The following OR3A2 variants were observed in gnomAD, a reference collection of about 807,000 sequenced individuals.
OR3A2 encodes olfactory receptor family 3 subfamily A member 2, also known as olfactory receptor 3A2.
For synonymous variants in OR3A2, 126 were observed against 159.3 expected, an observed-to-expected ratio of 0.79 and a Z score of 1.57; for missense variants, 318 against 392.8, an observed-to-expected ratio of 0.81 and a Z score of 1.61.
intron 3 of OR3A2, among the ~76,000 whole-genome samples, chr17:3,318,720 C>CA (rs1482886652): frequency 6.6e-6 from 1 of 152,146 alleles, no homozygotes; most frequent in Non-Finnish European, 1.5e-5. Flanking sequence ...CTATTAAGAA[C>CA]CATAATTTGA....
chr17:3,371,007 T>C (rs936922523), intron 2 of OR3A2, among the ~76,000 whole-genome samples: 4 of 152,098 alleles, frequency 2.6e-5, no homozygotes, highest in South Asian at 2.1e-4. Flanking sequence ...AAGTCTCCCA[T>C]GTCTACCTCT....
intron 3 of OR3A2, chr17:3,291,836 A>G (rs368309953): frequency 6.8e-6 from 11 of 1,613,924 alleles, no homozygotes; most frequent in East Asian, 4.5e-5. Context: ...TGGCAACCAC[A>G]GTGAGGTGGG....
chr17:3,321,467 A>T (rs796301103), intron 3 of OR3A2, among the ~76,000 whole-genome samples: 1 of 151,506 alleles, frequency 6.6e-6, no homozygotes, highest in African/African-American at 2.4e-5. Context: ...CAGTTTTCAA[A>T]GGGAATGCTT....
rs369994583 is a variant in OR3A2 at position 3,332,621 on chromosome 17, A to G, written c.-85+3412T>C. Among the ~76,000 whole-genome samples, 14 of 152,262 alleles carry G rather than the reference A, an allele frequency of 9.2e-5. No homozygotes were observed. The East Asian group carries it at 2.1e-3, about 23-fold the overall frequency. On this transcript the variant is annotated intron_variant, in intron 3 of 4. Transcript: ENST00000573491. ...TGTCTGGCACTCCCTAGTGAGATGA[A>G]CCTGGTACCTCAGATGGAAATGCAG...
chr17:3,346,502 C>A (rs1479065441), intron 2 of OR3A2, among the ~76,000 whole-genome samples: 2 of 152,148 alleles, frequency 1.3e-5, no homozygotes, highest in African/African-American at 4.8e-5. Flanking sequence ...CCTTGCCATC[C>A]CCTCCAGCAT....
intron 3 of OR3A2, among the ~76,000 whole-genome samples, chr17:3,326,848 C>G (rs1480627180): frequency 9.3e-5 from 13 of 140,012 alleles, no homozygotes; most frequent in Non-Finnish European, 1.8e-4. Flanking sequence ...ATGATGATTT[C>G]CAACTTCATC....
chr17:3,369,211 A>G (rs2049589495), intron 2 of OR3A2, among the ~76,000 whole-genome samples: 1 of 152,154 alleles, frequency 6.6e-6, no homozygotes, highest in South Asian at 2.1e-4. Context: ...CTCTTTACCA[A>G]TTCAGATGCC....
intron 2 of OR3A2, among the ~76,000 whole-genome samples, chr17:3,372,871 G>T (rs9913874): frequency 2.6e-5 from 1 of 39,212 alleles, no homozygotes; most frequent in Non-Finnish European, 4.5e-5. Context: ...GAGAGGGAGA[G>T]GGAGAGGGAG....
chr17:3,361,875 CTCT>C (rs1379094360), intron 2 of OR3A2, among the ~76,000 whole-genome samples: 25 of 151,592 alleles, frequency 1.6e-4, no homozygotes, highest in African/African-American at 1.2e-4. Context: ...GTCTAAAATT[CTCT>C]TTTTTTGTTG....
intron 2 of OR3A2, among the ~76,000 whole-genome samples, chr17:3,356,727 C>T (rs1329592992): frequency 6.6e-6 from 1 of 151,368 alleles, no homozygotes; most frequent in Non-Finnish European, 1.5e-5. Context: ...CTGAAAAATT[C>T]TTTGTCCCAC....
At chr17:3,315,184 C>T (rs915978007) in intron 3 of OR3A2, among the ~76,000 whole-genome samples, 2 of 152,278 alleles carry the variant, frequency 1.3e-5, no homozygotes, top group Middle Eastern at 6.8e-3. Flanking sequence ...ATGATTTACT[C>T]TCCTTTGGAT....
At chr17:3,377,492 G>A (rs2049694329) in intron 2 of OR3A2, 1 of 152,182 alleles carries the variant, frequency 6.6e-6, no homozygotes, top group Non-Finnish European at 1.5e-5. Flanking sequence ...GACTGTAAGT[G>A]GAAGAGACCA....
At chr17:3,342,163 G>A in intron 2 of OR3A2, among the ~76,000 whole-genome samples, 1 of 152,212 alleles carries the variant, frequency 6.6e-6, no homozygotes, top group Middle Eastern at 3.4e-3. Context: ...TTAGCCATTT[G>A]TCTAATCTTT....
intron 3 of OR3A2, among the ~76,000 whole-genome samples, chr17:3,328,035 T>C (rs71368130): frequency 0.56 from 77,049 of 137,006 alleles, 22,732 homozygotes; most frequent in African/African-American, 0.69. Context: ...GCCTTGGCGA[T>C]GGGGGCTCTT....
intron 2 of OR3A2, among the ~76,000 whole-genome samples, chr17:3,339,876 A>C (rs558381741): frequency 1.4e-4 from 21 of 152,286 alleles, no homozygotes; most frequent in Non-Finnish European, 2.9e-4. Flanking sequence ...CTTCGGGTAG[A>C]ATTCAGCTGT....
chr17:3,325,081 T>C (rs2150637952), intron 3 of OR3A2, among the ~76,000 whole-genome samples: 1 of 152,040 alleles, frequency 6.6e-6, no homozygotes, highest in East Asian at 1.9e-4. Flanking sequence ...ACTATTTTTA[T>C]GATTTTGTTT....
At chr17:3,325,043 C>G (rs1338733210) in intron 3 of OR3A2, among the ~76,000 whole-genome samples, 1 of 151,958 alleles carries the variant, frequency 6.6e-6, no homozygotes, top group Non-Finnish European at 1.5e-5. Context: ...TTCCCCATCT[C>G]AAGTTCATAT....
chr17:3,278,010 G>C (rs556279113), exon 2 of OR3A2: 1 of 1,604,514 alleles, frequency 6.2e-7, no homozygotes, highest in South Asian at 1.1e-5. Flanking sequence ...TTGCCACAGA[G>C]CACCCTGAAC....
chr17:3,295,496 C>T (rs775353005), intron 3 of OR3A2, among the ~76,000 whole-genome samples: 36 of 151,968 alleles, frequency 2.4e-4, no homozygotes, highest in Non-Finnish European at 5.0e-4. Context: ...AGGATGCATA[C>T]AAAACAAAGA....
Sources: gnomAD v4.1 joint callset for allele counts (sites outside exome capture counted in the v4.1 genomes callset) on GRCh38, gnomAD v4.1.1 for gene constraint, MANE v1.5 for transcripts, NCBI Gene and HGNC (gene_info 2026-07-23, HGNC 2026-07-21) for gene names.